Variants in TMEM117 observed in about 807,000 individuals in gnomAD.
The protein encoded by TMEM117 is transmembrane protein 117.
In TMEM117, 27 loss-of-function variants were observed where a neutral mutation model predicts 52.4. The observed-to-expected ratio is 0.51, with a 90% CI of 0.38 to 0.71. TMEM117 has a LOEUF of 0.71. Ranked by LOEUF, TMEM117 falls within the 30% of genes least tolerant of loss-of-function variation. The pLI is 0.00. For missense variants in TMEM117, 556 were observed against 630.5 expected (o/e 0.88, Z 1.26); for synonymous variants, 215 against 206.3 (o/e 1.04, Z -0.36).
At chr12:44,048,229 C>G (rs779120956) in intron 3 of TMEM117, among the ~76,000 whole-genome samples, 1 of 151,932 alleles carries the variant, frequency 6.6e-6, no homozygotes, top group Non-Finnish European at 1.5e-5. Flanking sequence ...TATTACTTTT[C>G]TTTTTCCCTT....
intron 5 of TMEM117, among the ~76,000 whole-genome samples, chr12:44,218,046 A>C (rs1949740542): frequency 6.6e-6 from 1 of 152,138 alleles, no homozygotes; most frequent in Non-Finnish European, 1.5e-5. Flanking sequence ...CAACATGGTG[A>C]AACCCCATCT....
intron 3 of TMEM117, among the ~76,000 whole-genome samples, chr12:44,023,075 A>G (rs1450392494): frequency 6.6e-6 from 1 of 152,170 alleles, no homozygotes; most frequent in African/African-American, 2.4e-5. Context: ...TTGCATGAAA[A>G]CAAGGTGACT....
chr12:44,062,228 G>A (rs1947150893), intron 3 of TMEM117, among the ~76,000 whole-genome samples: 3 of 152,138 alleles, frequency 2.0e-5, no homozygotes, highest in African/African-American at 4.8e-5. Flanking sequence ...AATTTTTCCA[G>A]GAATATTGCC....
At chr12:43,797,649 A>G in the TMEM117 span, 3 of 1,571,082 alleles carry the variant, frequency 1.9e-6, no homozygotes, top group African/African-American at 1.4e-5. Flanking sequence ...AATAAACCCT[A>G]TATGAGTCAT....
intron 3 of TMEM117, among the ~76,000 whole-genome samples, chr12:43,983,545 A>G (rs1161036511): frequency 1.5e-5 from 1 of 66,622 alleles, no homozygotes; most frequent in Admixed American, 1.9e-4. Context: ...TTTTGCACCA[A>G]CCGTGTGTGT....
intron 5 of TMEM117, among the ~76,000 whole-genome samples, chr12:44,261,711 C>A (rs1017825007): frequency 6.6e-6 from 1 of 152,094 alleles, no homozygotes; most frequent in Non-Finnish European, 1.5e-5. Context: ...ATAAAGAAAA[C>A]CACAGTAATT....
At chr12:43,893,135 G>A (rs574019314) in intron 2 of TMEM117, among the ~76,000 whole-genome samples, 9 of 152,334 alleles carry the variant, frequency 5.9e-5, no homozygotes, top group Admixed American at 2.0e-4. Flanking sequence ...AGGAAGCCAC[G>A]ATAAGGAGTT....
chr12:43,798,735 T>TAGGAATCAGTCTG, the TMEM117 span: 2 of 878,572 alleles, frequency 2.3e-6, no homozygotes, highest in Non-Finnish European at 3.3e-6. Flanking sequence ...TTCTCCAGAC[T>TAGGAATCAGTCTG]GATTCCTACT....
chr12:44,223,828 A>G (rs1430106902), intron 5 of TMEM117, among the ~76,000 whole-genome samples: 1 of 152,200 alleles, frequency 6.6e-6, no homozygotes, highest in Non-Finnish European at 1.5e-5. Context: ...ATTCAGGTCA[A>G]TGATAAGCAA....
At chr12:44,127,235 T>C (rs1948340291) in intron 3 of TMEM117, among the ~76,000 whole-genome samples, 1 of 152,220 alleles carries the variant, frequency 6.6e-6, no homozygotes, top group South Asian at 2.1e-4. Flanking sequence ...AAAACAACTG[T>C]ATCTTTAAAT....
rs145855058 is a variant in TMEM117 at position 44,164,333 on chromosome 12, T to A, written c.510+20709T>A. ...CCCAAGCAGTGTACACTGTACCCAA[T>A]ATGTAGTCTTTTATCCATCACCACC... On this transcript the variant is annotated intron_variant, in intron 4 of 7. Coordinates refer to ENST00000266534, the MANE Select transcript of TMEM117 (RefSeq NM_032256.3). Among the ~76,000 whole-genome samples the A allele has an allele frequency of 8.5e-3, 1,298 of 152,168 alleles. 13 individuals are homozygous for A. The highest frequency in any genetic ancestry group is 0.03 in the African/African-American group (1,234 of 41,524).
chr12:43,837,491 C>T (rs1457565309), intron 1 of TMEM117, among the ~76,000 whole-genome samples: 2 of 152,024 alleles, frequency 1.3e-5, no homozygotes, highest in East Asian at 1.9e-4. Flanking sequence ...GGATTACAGG[C>T]GCGCGCCACC....
At chr12:43,913,267 A>G (rs1461949021) in intron 2 of TMEM117, among the ~76,000 whole-genome samples, 1 of 152,196 alleles carries the variant, frequency 6.6e-6, no homozygotes, top group Non-Finnish European at 1.5e-5. Flanking sequence ...AAATCCTTGA[A>G]TATAGCTGCT....
At chr12:44,177,038 A>G (rs1949125131) in intron 4 of TMEM117, among the ~76,000 whole-genome samples, 1 of 152,162 alleles carries the variant, frequency 6.6e-6, no homozygotes, top group Non-Finnish European at 1.5e-5. Context: ...TTGATAAACT[A>G]CTGTCCCAGC....
At chr12:44,116,026 A>G (rs1009105443) in intron 3 of TMEM117, among the ~76,000 whole-genome samples, 1 of 152,168 alleles carries the variant, frequency 6.6e-6, no homozygotes, top group Non-Finnish European at 1.5e-5. Context: ...CTTTCTTTAT[A>G]TGACCCAACT....
chr12:43,969,137 T>C (rs1454196847), intron 3 of TMEM117, among the ~76,000 whole-genome samples: 1 of 152,018 alleles, frequency 6.6e-6, no homozygotes, highest in East Asian at 1.9e-4. Flanking sequence ...AAATGCACTT[T>C]AATTGCTGTC....
intron 6 of TMEM117, among the ~76,000 whole-genome samples, chr12:44,300,721 T>C (rs1950829125): frequency 6.6e-6 from 1 of 152,234 alleles, no homozygotes; most frequent in Non-Finnish European, 1.5e-5. Context: ...CTTTAATGGA[T>C]AATATTTTAA....
At chr12:44,337,395 A>G (rs958550074) in intron 6 of TMEM117, among the ~76,000 whole-genome samples, 1 of 152,036 alleles carries the variant, frequency 6.6e-6, no homozygotes, top group Non-Finnish European at 1.5e-5. Flanking sequence ...GGTGATTAAT[A>G]GTATGACATT....
intron 5 of TMEM117, among the ~76,000 whole-genome samples, chr12:44,222,556 A>G (rs1949802900): frequency 6.6e-6 from 1 of 152,062 alleles, no homozygotes; most frequent in Non-Finnish European, 1.5e-5. Context: ...CTCCCTCCTT[A>G]AAGTAGATGC....
Sources: allele counts gnomAD v4.1 joint callset (sites outside exome capture counted in the v4.1 genomes callset), GRCh38; gene constraint gnomAD v4.1.1; transcripts MANE v1.5; gene names NCBI Gene and HGNC (gene_info 2026-07-23, HGNC 2026-07-21).